Variants in CAMK1D observed in about 807,000 individuals in gnomAD.
CAMK1D encodes the protein calcium/calmodulin dependent protein kinase ID, also known as calcium/calmodulin-dependent protein kinase type 1D.
A neutral mutation model predicts 47.7 loss-of-function variants in CAMK1D; 9 were observed. The ratio of observed to expected loss-of-function variants is 0.19; its 90% CI spans 0.11 to 0.33. The LOEUF (loss-of-function observed/expected upper bound fraction) is 0.33, where lower values mean the gene tolerates loss of function less well. Among genes scored for constraint, CAMK1D ranks in the 10% least tolerant of loss-of-function variants. CAMK1D has a pLI of 1.00. For missense variants in CAMK1D, 291 were observed against 488.7 expected (o/e 0.60, Z 3.81); for synonymous variants, 184 against 184.9 (o/e 0.99, Z 0.04).
intron 1 of CAMK1D, among the ~76,000 whole-genome samples, chr10:12,525,784 G>A (rs1198747105): frequency 6.6e-6 from 1 of 152,022 alleles, no homozygotes. Context: ...TTGAGATAAG[G>A]TCTTGCTCTG....
At chr10:12,510,868 C>A (rs1262437203) in intron 1 of CAMK1D, among the ~76,000 whole-genome samples, 1 of 152,222 alleles carries the variant, frequency 6.6e-6, no homozygotes, top group African/African-American at 2.4e-5. Context: ...AGCCTTAATT[C>A]AGCAGAGCAC....
chr10:12,505,553 T>A lies in CAMK1D; in HGVS notation c.93-47672T>A, dbSNP rs116911914. Reference sequence around the variant, plus strand: ...CTGGGCTGTTGGTCCATCCGGCTCCTTGCTTGGTCTACACAATGAGCTTAG... The same window carrying A: ...CTGGGCTGTTGGTCCATCCGGCTCCATGCTTGGTCTACACAATGAGCTTAG... On this transcript the variant is annotated intron_variant, in intron 1 of 10. Transcript: ENST00000619168. 3.3e-5 allele frequency among the ~76,000 whole-genome samples: 5 copies of A among 152,186 alleles called. No individual in the cohort carries two copies. The East Asian group carries it at 7.7e-4, about 24-fold the overall frequency.
At chr10:12,824,347 C>T (rs1332684215) in intron 8 of CAMK1D, 118 bp from the exon 9 acceptor site, 10 of 811,374 alleles carry the variant, frequency 1.2e-5, no homozygotes, top group Non-Finnish European at 1.4e-5. Context: ...AGCGGCCAGC[C>T]ACCCTGTCCA....
intron 6 of CAMK1D, among the ~76,000 whole-genome samples, chr10:12,798,462 G>A (rs1056976372): frequency 1.2e-4 from 19 of 152,314 alleles, no homozygotes; most frequent in African/African-American, 4.6e-4. Flanking sequence ...AAATGGGAGG[G>A]AGGTGGTGGG....
At chr10:12,404,065 G>T (rs1839326758) in intron 1 of CAMK1D, among the ~76,000 whole-genome samples, 1 of 149,666 alleles carries the variant, frequency 6.7e-6, no homozygotes, top group Non-Finnish European at 1.5e-5. Context: ...TTTTTTTTGA[G>T]ACTGAGTTTC....
At chr10:12,812,715 C>T (rs1832656208) in intron 6 of CAMK1D, among the ~76,000 whole-genome samples, 2 of 152,204 alleles carry the variant, frequency 1.3e-5, no homozygotes, top group East Asian at 3.8e-4. Flanking sequence ...TTGCCCCTGG[C>T]CTTCTGGAAT....
intron 1 of CAMK1D, among the ~76,000 whole-genome samples, chr10:12,476,900 A>G (rs1415608448): frequency 6.6e-6 from 1 of 152,068 alleles, no homozygotes; most frequent in Non-Finnish European, 1.5e-5. Context: ...GTGGGATTGG[A>G]GTGAAGCCCA....
Position 12,769,665 on chromosome 10 carries a change from C to G in CAMK1D, c.439-8C>G, listed in dbSNP as rs1227203179. ...GTTTGTAATGTTTTTTTCTTATTTT[C>G]TTTCTAGCCCGAAAATCTCTTGTAC... On this transcript the variant is annotated splice_region_variant and splice_polypyrimidine_tract_variant and intron_variant, in intron 4 of 10. Transcript: ENST00000619168. 2 of 1,612,798 alleles carry G rather than the reference C, an allele frequency of 1.2e-6. No homozygotes were observed. The highest frequency in any genetic ancestry group is 1.1e-5 in the South Asian group (1 of 90,954).
At chr10:12,717,914 A>G (rs966800399) in intron 3 of CAMK1D, among the ~76,000 whole-genome samples, 3 of 151,788 alleles carry the variant, frequency 2.0e-5, no homozygotes, top group African/African-American at 7.3e-5. Context: ...AAAAGAAAAA[A>G]AAAAGATGCA....
intron 3 of CAMK1D, among the ~76,000 whole-genome samples, chr10:12,686,656 T>C (rs868620244): frequency 2.0e-5 from 3 of 151,982 alleles, no homozygotes. Context: ...TAAAACAGAG[T>C]TATATAGAAA....
At chr10:12,813,114 A>C (rs998175610) in intron 6 of CAMK1D, among the ~76,000 whole-genome samples, 4 of 152,222 alleles carry the variant, frequency 2.6e-5, no homozygotes, top group African/African-American at 9.7e-5. Flanking sequence ...TCTAAATTAT[A>C]AGTCACTTGC....
At chr10:12,408,759 G>A (rs148894264) in intron 1 of CAMK1D, among the ~76,000 whole-genome samples, 1,958 of 152,070 alleles carry the variant, frequency 0.013, 41 homozygotes, top group African/African-American at 0.044. Flanking sequence ...ATGTGCCCAC[G>A]TGTTGGCATT....
intron 1 of CAMK1D, among the ~76,000 whole-genome samples, chr10:12,445,712 A>T (rs1007368438): frequency 2.6e-5 from 4 of 152,236 alleles, no homozygotes; most frequent in African/African-American, 9.6e-5. Context: ...TGTAAAAGTC[A>T]TAAACCATGT....
intron 1 of CAMK1D, among the ~76,000 whole-genome samples, chr10:12,398,445 T>G (rs1357239411): frequency 2.0e-5 from 3 of 152,134 alleles, no homozygotes; most frequent in Non-Finnish European, 4.4e-5. Flanking sequence ...GCCTCCGGAG[T>G]TCGAGTGATT....
rs527788060 is a variant in CAMK1D, at chr10:12,802,809, C to T, written c.642-11386C>T. 1.1e-4 allele frequency among the ~76,000 whole-genome samples: 17 copies of T among 152,312 alleles called. 1 individual carries two copies. The Middle Eastern group carries it at 0.014, about 122-fold the overall frequency. The stretch of plus-strand genomic sequence containing the variant: ...TGCTGGGATTACAGGCGTGAGTCCC[C>T]GCCCCCGGCCTGCTCTTCATTTCTT... On this transcript the variant is annotated intron_variant, in intron 6 of 10. Coordinates refer to ENST00000619168, the MANE Select transcript of CAMK1D (RefSeq NM_153498.4).
rs1343502365 is a variant in CAMK1D, at chr10:12,520,056, C to T, written c.93-33169C>T. 2.6e-5 allele frequency among the ~76,000 whole-genome samples: 2 copies of T among 75,924 alleles called. 1 individual carries two copies. The highest frequency in any genetic ancestry group is 5.5e-5 in the Non-Finnish European group (2 of 36,412). 49.8% of individuals were successfully genotyped at this position (75,924 alleles called of 152,430 possible). ...TCACCTCCCGGACGGGGCGGCTGGCCGGGTGGGGGGCTGACCCCCCCCCAC... is the reference window on the plus strand; with the variant it reads ...TCACCTCCCGGACGGGGCGGCTGGCTGGGTGGGGGGCTGACCCCCCCCCAC... On this transcript the variant is annotated intron_variant, in intron 1 of 10. Coordinates refer to ENST00000619168, the MANE Select transcript of CAMK1D (RefSeq NM_153498.4).
At position 12,620,204 on chromosome 10, in the gene CAMK1D, A is replaced by T. The variant is rs1001574271; in HGVS notation, c.225-46532A>T. ...TCCGTCTCAAAAAAAAAAAAAAAAA[A>T]AAAAAAAAAAAAAATAAAGCTGCTA... On this transcript the variant is annotated intron_variant, in intron 2 of 10. Coordinates refer to ENST00000619168, the MANE Select transcript of CAMK1D (RefSeq NM_153498.4). Among the ~76,000 whole-genome samples the T allele has an allele frequency of 1.3e-4, 20 of 149,824 alleles. 2 individuals carry two copies. In the South Asian group the frequency reaches 1.7e-3, roughly 13 times the overall value.
intron 3 of CAMK1D, among the ~76,000 whole-genome samples, chr10:12,744,462 C>CT (rs144088086): frequency 0.084 from 12,843 of 152,256 alleles, 1,228 homozygotes; most frequent in African/African-American, 0.23. Flanking sequence ...TGAGGTTCCA[C>CT]TTTCTCTACA....
chr10:12,569,749 G>A lies in CAMK1D; in HGVS notation c.224+16393G>A, dbSNP rs901911465. On this transcript the variant is annotated intron_variant, in intron 2 of 10. Transcript: ENST00000619168. ...AAAAAAAAAAAAAAAAAAAAATTGT[G>A]TGGTGAACGTATTACAAAACTTACC... Among the ~76,000 whole-genome samples the A allele has an allele frequency of 2.3e-5, 3 of 129,014 alleles. 1 individual carries two copies. The highest frequency in any genetic ancestry group is 5.0e-4 in the South Asian group (2 of 3,962). 84.6% of individuals were successfully genotyped at this position (129,014 alleles called of 152,430 possible). A position where few individuals can be genotyped will look rare whatever the true frequency, so the allele number is the denominator to read the frequency against.
Sources: allele counts gnomAD v4.1 joint callset (sites outside exome capture counted in the v4.1 genomes callset), GRCh38; gene constraint gnomAD v4.1.1; transcripts MANE v1.5; gene names NCBI Gene and HGNC (gene_info 2026-07-23, HGNC 2026-07-21).